NRDE2: variants seen among roughly 807,000 people sequenced by gnomAD.
NRDE2 encodes the protein NRDE-2, necessary for RNA interference, domain containing, also known as nuclear exosome regulator NRDE2.
NRDE2 carries 76 observed loss-of-function variants against 124.2 expected under a neutral mutation model. The ratio of observed to expected loss-of-function variants is 0.61; its 90% CI spans 0.51 to 0.74. The LOEUF (loss-of-function observed/expected upper bound fraction) is 0.74, where lower values mean the gene tolerates loss of function less well. Ranked by LOEUF, NRDE2 falls within the 30% of genes least tolerant of loss-of-function variation. The pLI is 0.00. For synonymous variants in NRDE2, 489 were observed against 528.1 expected (o/e 0.93, Z 1.01); for missense variants, 1,314 against 1,417.3 (o/e 0.93, Z 1.17).
At chr14:90,284,541 G>C (rs973777038) in intron 12 of NRDE2, among the ~76,000 whole-genome samples, 30 of 151,588 alleles carry the variant, frequency 2.0e-4, no homozygotes, top group African/African-American at 6.8e-4. Context: ...AATTTTTTTT[G>C]TATTTTTAGT....
intron 9 of NRDE2, 149 bp downstream of exon 9, chr14:90,292,548 A>AT: frequency 1.3e-6 from 1 of 783,998 alleles, no homozygotes; most frequent in Non-Finnish European, 2.0e-6. Context: ...GTTTCCACAG[A>AT]TGAGAACAGG....
At chr14:90,312,634 C>T (rs534271068) in intron 3 of NRDE2, 91 bp from the exon 4 acceptor site, 9 of 1,228,652 alleles carry the variant, frequency 7.3e-6, no homozygotes, top group Non-Finnish European at 7.1e-6. Flanking sequence ...GAGAGTTAAA[C>T]ACTTCAAACT....
chr14:90,323,065 T>G (rs1885298036), intron 1 of NRDE2, among the ~76,000 whole-genome samples: 1 of 152,210 alleles, frequency 6.6e-6, no homozygotes, highest in African/African-American at 2.4e-5. Context: ...CACTCTGCCA[T>G]ACATTGTATT....
chr14:90,278,327 C>T lies in NRDE2; in HGVS notation c.*9G>A, dbSNP rs761170619. The T allele has an allele frequency of 6.2e-6, 10 of 1,613,920 alleles. No individual in the cohort carries two copies. Among genetic ancestry groups the T allele is most frequent in the African/African-American group, 4.0e-5 (3 of 74,914 alleles). Reference sequence around the variant, plus strand: ...GCCTCGCAGGCACAGCCCGTTTTCCCGCTGCTCTCTAATCCTCCAGCAGCA... The same window carrying T: ...GCCTCGCAGGCACAGCCCGTTTTCCTGCTGCTCTCTAATCCTCCAGCAGCA... On this transcript the variant is annotated 3_prime_UTR_variant, in exon 14 of 14. Coordinates refer to ENST00000354366, the MANE Select transcript of NRDE2 (RefSeq NM_017970.4).
chr14:90,289,199 C>T, intron 10 of NRDE2, 54 bp from the exon 11 acceptor site: 1 of 1,411,934 alleles, frequency 7.1e-7, no homozygotes, highest in Admixed American at 2.1e-5. Context: ...AAGGCGTCCT[C>T]TGCTGCCAAC....
At chr14:90,292,649 G>T in intron 9 of NRDE2, 48 bp downstream of exon 9, 1 of 1,581,660 alleles carries the variant, frequency 6.3e-7, no homozygotes, top group Non-Finnish European at 8.6e-7. Flanking sequence ...ATGGAAAGCA[G>T]GCAGGGACCC....
At position 90,301,316 on chromosome 14, in the gene NRDE2, T is replaced by C. The variant is rs1884392818; in HGVS notation, c.1468A>G (p.Ile490Val). 6.2e-7 allele frequency: 1 copy of C among 1,613,644 alleles called. No homozygotes were observed. The highest frequency in any genetic ancestry group is 8.5e-7 in the Non-Finnish European group (1 of 1,179,746). Residue 490 changes from isoleucine (I) to valine (V), a missense_variant, in exon 7 of 14, where the codon ATC becomes GTC. Ile to Val is a conservative substitution (Grantham distance 29). Coordinates refer to ENST00000354366, the MANE Select transcript of NRDE2 (RefSeq NM_017970.4). ...TCCACCATGGCCTGGAACAATGAGA[T>C]GGCCTTCTCAGAGTGGCCAGCCTGC... ...LRQAGHSEKAISLFQAMVDFT... is the reference protein window; with the variant it reads ...LRQAGHSEKAVSLFQAMVDFT...
intron 12 of NRDE2, chr14:90,280,024 A>T (rs895793467): frequency 2.6e-5 from 4 of 152,322 alleles, no homozygotes; most frequent in African/African-American, 9.6e-5. Flanking sequence ...AAACCTGAAC[A>T]GTGGCATCCA....
Position 90,309,004 on chromosome 14 carries a change from A to G in NRDE2, c.557+3390T>C, listed in dbSNP as rs551543978. Reference sequence around the variant, plus strand: ...ATGCCTGTAATCCCAGCACTTTGGGAGGCTGGGATGGGCGGATCATGAGGT... The same window carrying G: ...ATGCCTGTAATCCCAGCACTTTGGGGGGCTGGGATGGGCGGATCATGAGGT... On this transcript the variant is annotated intron_variant, in intron 4 of 13. Coordinates refer to ENST00000354366, the MANE Select transcript of NRDE2 (RefSeq NM_017970.4). Among the ~76,000 whole-genome samples, 12 of 152,190 alleles carry G rather than the reference A, an allele frequency of 7.9e-5. No individual in the cohort carries two copies. In the South Asian group the frequency reaches 2.3e-3, roughly 29 times the overall value.
In NRDE2 at chr14:90,288,938, T is replaced by C; in HGVS notation, c.2437A>G (p.Arg813Gly). The change falls in exon 11 of 14, where the codon AGA (arginine) becomes GGA (glycine). Residue 813 changes from arginine to glycine, a missense_variant. Coordinates refer to ENST00000354366, the MANE Select transcript of NRDE2 (RefSeq NM_017970.4). ...FDTALGMAGSRELKDSDLCEL... is the reference protein window; with the variant it reads ...FDTALGMAGSGELKDSDLCEL... ...CAGAGGTCAGAGTCTTTCAGTTCTCTGCTTCCTGCCATGCCAAGTGCTGTG... is the reference window on the plus strand; with the variant it reads ...CAGAGGTCAGAGTCTTTCAGTTCTCCGCTTCCTGCCATGCCAAGTGCTGTG... 1 of 1,612,382 alleles carries C rather than the reference T, an allele frequency of 6.2e-7. No individual in the cohort carries two copies. Among genetic ancestry groups the C allele is most frequent in the Non-Finnish European group, 8.5e-7 (1 of 1,178,448 alleles).
At chr14:90,286,315 A>G (rs1333175979) in intron 12 of NRDE2, 39 bp downstream of exon 12, 1 of 1,595,522 alleles carries the variant, frequency 6.3e-7, no homozygotes. Flanking sequence ...GAAGAGGTAG[A>G]GCTCTGCATG....
At chr14:90,303,867 A>T in intron 5 of NRDE2, 68 bp downstream of exon 5, 2 of 1,388,042 alleles carry the variant, frequency 1.4e-6, no homozygotes, top group Non-Finnish European at 2.0e-6. Context: ...ATTGCTGCAC[A>T]GTCCATCAGT....
In NRDE2 at chr14:90,308,142, C is replaced by T. The variant is rs185617598; in HGVS notation, c.558-3760G>A. 1.3e-3 allele frequency among the ~76,000 whole-genome samples: 195 copies of T among 152,286 alleles called. 1 individual carries two copies. The highest frequency in any genetic ancestry group is 4.6e-3 in the African/African-American group (191 of 41,552). On this transcript the variant is annotated intron_variant, in intron 4 of 13. Coordinates refer to ENST00000354366, the MANE Select transcript of NRDE2 (RefSeq NM_017970.4). ...ATTTTTATCAAAGTTGGCTCCTAAA[C>T]ATAAGCCAACTATTTTATCTGGTGT...
At chr14:90,318,944 G>A (rs1282907063) in intron 1 of NRDE2, among the ~76,000 whole-genome samples, 1 of 151,918 alleles carries the variant, frequency 6.6e-6, no homozygotes, top group East Asian at 1.9e-4. Context: ...CCTTATAATA[G>A]TACTCTTCTT....
rs1891699260 is a variant in NRDE2 at position 90,272,614 on chromosome 14, C to G, written c.*5722G>C. ...AGTCTGCTTCCCAATAAAGCGTGCT[C>G]TTTCACAAACACTTCCTGTTTCTGC... On this transcript the variant is annotated 3_prime_UTR_variant, in exon 14 of 14. Transcript: ENST00000354366. This position sits in a 1 kb window ranked among gnomAD's most constrained non-coding sequence, Gnocchi z 4.5. 1 of 474,312 alleles carries G rather than the reference C, an allele frequency of 2.1e-6. No individual in the cohort carries two copies. The highest frequency in any genetic ancestry group is 4.2e-5 in the East Asian group (1 of 23,896). The allele number at this position is 474,312 out of a possible 1,614,324, so 29.4% of individuals were successfully genotyped here. A position where few individuals can be genotyped will look rare whatever the true frequency, so the allele number is the denominator to read the frequency against.
chr14:90,278,786 CTT>C, intron 13 of NRDE2: 2 of 540,502 alleles, frequency 3.7e-6, no homozygotes, highest in Non-Finnish European at 6.6e-6. Flanking sequence ...GATCCCAACT[CTT>C]TCAGCATCTG....
chr14:90,274,569 T>G lies in NRDE2; in HGVS notation c.*3767A>C, dbSNP rs1322358444. 2.0e-5 allele frequency: 3 copies of G among 151,630 alleles called. No homozygotes were observed. Among genetic ancestry groups the G allele is most frequent in the Admixed American group, 6.6e-5 (1 of 15,228 alleles). The allele number at this position is 151,630 out of a possible 1,614,324, so 9.4% of individuals were successfully genotyped here. A position where few individuals can be genotyped will look rare whatever the true frequency, so the allele number is the denominator to read the frequency against. On this transcript the variant is annotated 3_prime_UTR_variant, in exon 14 of 14. Transcript: ENST00000354366. ...AAGTATTATTCTCCACTAAAAGGAGTGAGGGCTGATTCCGGGGCTAGGCAG... is the reference window on the plus strand; with the variant it reads ...AAGTATTATTCTCCACTAAAAGGAGGGAGGGCTGATTCCGGGGCTAGGCAG...
chr14:90,320,080 C>T (rs968725205), intron 1 of NRDE2, among the ~76,000 whole-genome samples: 1 of 152,168 alleles, frequency 6.6e-6, no homozygotes, highest in South Asian at 2.1e-4. Flanking sequence ...TGATGCTGAA[C>T]ATCTTTTCAT....
intron 4 of NRDE2, chr14:90,304,590 T>C: frequency 1.9e-6 from 1 of 519,078 alleles, no homozygotes; most frequent in South Asian, 3.3e-5. Flanking sequence ...CTATAACACT[T>C]CAACTCTTCT....
Sources: allele counts gnomAD v4.1 joint callset (sites outside exome capture counted in the v4.1 genomes callset), GRCh38; gene constraint gnomAD v4.1.1; non-coding constraint Gnocchi (gnomAD v3.1); transcripts MANE v1.5; gene names NCBI Gene and HGNC (gene_info 2026-07-23, HGNC 2026-07-21).